The following CACNA1B variants were observed in gnomAD, a reference collection of about 807,000 sequenced individuals.
The protein encoded by CACNA1B is calcium voltage-gated channel subunit alpha1 B.
In CACNA1B, 70 loss-of-function variants were observed where a neutral mutation model predicts 247.2. That is an observed-to-expected ratio of 0.28 (90% CI 0.23 to 0.35). The LOEUF is 0.35. Among genes scored for constraint, CACNA1B ranks in the 10% least tolerant of loss-of-function variants. The pLI, the probability that CACNA1B is intolerant of heterozygous loss-of-function variation, is 1.00. For synonymous variants in CACNA1B, 1,231 were observed against 1,294.4 expected (o/e 0.95, Z 1.05); for missense variants, 2,367 against 3,197.4 (o/e 0.74, Z 6.26).
intron 37 of CACNA1B, among the ~76,000 whole-genome samples, chr9:138,099,457 A>G (rs573709607): frequency 2.6e-4 from 40 of 152,020 alleles, no homozygotes; most frequent in Non-Finnish European, 4.7e-4. Context: ...CCATGTGTGC[A>G]TGTGTGTGCC....
chr9:138,103,765 T>C (rs534730532), intron 38 of CACNA1B, among the ~76,000 whole-genome samples: 104 of 152,346 alleles, frequency 6.8e-4, no homozygotes, highest in African/African-American at 2.4e-3. Flanking sequence ...AGGAAGACTT[T>C]CCTGAGTCTG....
At chr9:137,998,235 A>G (rs959584863) in intron 15 of CACNA1B, among the ~76,000 whole-genome samples, 3 of 152,180 alleles carry the variant, frequency 2.0e-5, no homozygotes, top group African/African-American at 7.2e-5. Context: ...TATTCATTGC[A>G]TCTTTCGGAG....
intron 3 of CACNA1B, among the ~76,000 whole-genome samples, chr9:137,909,165 T>A (rs1957333024): frequency 6.6e-6 from 1 of 152,050 alleles, no homozygotes; most frequent in South Asian, 2.1e-4. Flanking sequence ...TAATTTTGTA[T>A]TTTTAGTAGA....
chr9:138,015,012 C>T (rs533835912), intron 18 of CACNA1B, among the ~76,000 whole-genome samples: 5 of 152,318 alleles, frequency 3.3e-5, no homozygotes, highest in Admixed American at 3.3e-4. Context: ...CACCTGTTGG[C>T]CTGAGCACCA....
chr9:138,008,023 T>C (rs1010872443), intron 16 of CACNA1B, among the ~76,000 whole-genome samples: 4 of 152,194 alleles, frequency 2.6e-5, no homozygotes, highest in African/African-American at 4.8e-5. Flanking sequence ...GGGGTGGTCC[T>C]TAGGCTGCAG....
intron 31 of CACNA1B, chr9:138,068,552 G>T (rs1319323758): frequency 3.9e-6 from 2 of 517,182 alleles, no homozygotes; most frequent in African/African-American, 3.9e-5. Flanking sequence ...GTCCCAGTGC[G>T]CTTTCCGAGA....
At chr9:138,097,886 G>T (rs543939037) in intron 37 of CACNA1B, among the ~76,000 whole-genome samples, 1 of 152,332 alleles carries the variant, frequency 6.6e-6, no homozygotes, top group South Asian at 2.1e-4. Flanking sequence ...AGCCCGACTA[G>T]ACTTCCCCAC....
At chr9:137,894,302 A>ATTTTTTTTTTTTT in intron 3 of CACNA1B, among the ~76,000 whole-genome samples, 1 of 96,082 alleles carries the variant, frequency 1.0e-5, no homozygotes. Context: ...TTGTCTCTGT[A>ATTTTTTTTTTTTT]TTTTTTTTTT....
intron 6 of CACNA1B, among the ~76,000 whole-genome samples, chr9:137,946,237 G>A (rs1957794987): frequency 6.6e-6 from 1 of 152,180 alleles, no homozygotes; most frequent in South Asian, 2.1e-4. Context: ...ATAGCTAGGG[G>A]GCTAAGTGGG....
chr9:137,893,163 C>T (rs1428500647), intron 3 of CACNA1B, among the ~76,000 whole-genome samples: 1 of 151,352 alleles, frequency 6.6e-6, no homozygotes, highest in Non-Finnish European at 1.5e-5. Context: ...GCCCGGTGCA[C>T]AGCTGCTAGA....
In CACNA1B at chr9:137,917,108, T is replaced by C; in HGVS notation, c.776-133T>C. 1.4e-6 allele frequency: 1 copy of C among 735,348 alleles called. No individual in the cohort carries two copies. Among genetic ancestry groups the C allele is most frequent in the Non-Finnish European group, 2.2e-6 (1 of 453,920 alleles). The allele number at this position is 735,348 out of a possible 1,614,324, so 45.6% of individuals were successfully genotyped here. A position where few individuals can be genotyped will look rare whatever the true frequency, so the allele number is the denominator to read the frequency against. On this transcript the variant is annotated intron_variant, in intron 5 of 46. Coordinates refer to ENST00000371372, the MANE Select transcript of CACNA1B (RefSeq NM_000718.4). This position sits in a 1 kb window ranked among gnomAD's most constrained non-coding sequence, Gnocchi z 5.5. ...AGATTCGAGGAGGGATGGTGGGAAG[T>C]TGAGGGAGAGTTTCTGTTGGTGGCT... is the stretch of plus-strand genomic sequence containing the variant.
intron 15 of CACNA1B, among the ~76,000 whole-genome samples, chr9:138,001,387 T>C (rs1958575965): frequency 6.6e-6 from 1 of 152,192 alleles, no homozygotes; most frequent in Non-Finnish European, 1.5e-5. Context: ...TAAAATGGAC[T>C]GTGATAATGG....
chr9:138,077,320 AG>A (rs1960361260), intron 35 of CACNA1B, among the ~76,000 whole-genome samples: 1 of 152,244 alleles, frequency 6.6e-6, no homozygotes, highest in African/African-American at 2.4e-5. Flanking sequence ...GACTCCGTGC[AG>A]GAGCATCCAG....
chr9:138,112,330 A>T, intron 39 of CACNA1B, 68 bp from the exon 40 acceptor site: 1 of 1,125,158 alleles, frequency 8.9e-7, no homozygotes, highest in Non-Finnish European at 1.3e-6. Context: ...GCTCTGCCCC[A>T]TTGGCGGCTG....
rs145521492 is a variant in CACNA1B, at chr9:137,928,375, C to T, written c.966+10944C>T. On this transcript the variant is annotated intron_variant, in intron 6 of 46. Coordinates refer to ENST00000371372, the MANE Select transcript of CACNA1B (RefSeq NM_000718.4). ...CCTCCCAAAGTGCTGGGATTACAGG[C>T]GTGAGCCCCACCGTGCCTGGCCTAT... Among the ~76,000 whole-genome samples, 238 of 152,294 alleles carry T rather than the reference C, an allele frequency of 1.6e-3. 1 individual carries two copies. The highest frequency in any genetic ancestry group is 4.9e-3 in the African/African-American group (203 of 41,574).
Position 137,914,037 on chromosome 9 carries a change from A to G in CACNA1B, c.623-617A>G, listed in dbSNP as rs925884864. 1.3e-5 allele frequency among the ~76,000 whole-genome samples: 2 copies of G among 152,140 alleles called. No homozygotes were observed. The highest frequency in any genetic ancestry group is 4.8e-5 in the African/African-American group (2 of 41,424). ...CCTCACATGCTGTATGGCCAGTGGC[A>G]GAACATTCCCAGGGGCAGGTCTTTT... On this transcript the variant is annotated intron_variant, in intron 4 of 46. Coordinates refer to ENST00000371372, the MANE Select transcript of CACNA1B (RefSeq NM_000718.4). This position sits in a 1 kb window ranked among gnomAD's most constrained non-coding sequence, Gnocchi z 4.3.
chr9:137,946,794 T>C (rs1185063804), intron 6 of CACNA1B, among the ~76,000 whole-genome samples: 2 of 152,100 alleles, frequency 1.3e-5, no homozygotes, highest in Admixed American at 6.5e-5. Flanking sequence ...GCTTCCCCTG[T>C]ATGGAGCAGA....
chr9:137,993,876 C>T (rs1334215269), intron 15 of CACNA1B, among the ~76,000 whole-genome samples: 1 of 152,060 alleles, frequency 6.6e-6, no homozygotes, highest in African/African-American at 2.4e-5. Flanking sequence ...ATACCAAAAC[C>T]AGGGAAGGAC....
intron 25 of CACNA1B, among the ~76,000 whole-genome samples, chr9:138,053,598 A>T (rs904186347): frequency 3.7e-5 from 2 of 54,318 alleles, no homozygotes; most frequent in African/African-American, 1.6e-4. Flanking sequence ...TCATGGCCCC[A>T]CCCCCCACCA....
Sources: allele counts gnomAD v4.1 joint callset (sites outside exome capture counted in the v4.1 genomes callset), GRCh38; gene constraint gnomAD v4.1.1; non-coding constraint Gnocchi (gnomAD v3.1); transcripts MANE v1.5; gene names NCBI Gene and HGNC (gene_info 2026-07-23, HGNC 2026-07-21).